Variants in NRXN3 observed in about 807,000 individuals in gnomAD.
NRXN3 encodes neurexin 3.
A neutral mutation model predicts 137.6 loss-of-function variants in NRXN3; 32 were observed. The ratio of observed to expected loss-of-function variants is 0.23; its 90% CI spans 0.18 to 0.31. The LOEUF (loss-of-function observed/expected upper bound fraction) is 0.31. Among genes scored for constraint, NRXN3 ranks in the 10% least tolerant of loss-of-function variants. NRXN3 has a pLI of 1.00. For synonymous variants in NRXN3, 798 were observed against 784.5 expected (o/e 1.02, Z -0.29); for missense variants, 1,574 against 2,062.5 (o/e 0.76, Z 4.59).
At chr14:79,496,088 T>C (rs1745245531) in intron 16 of NRXN3, among the ~76,000 whole-genome samples, 1 of 152,222 alleles carries the variant, frequency 6.6e-6, no homozygotes, top group Non-Finnish European at 1.5e-5. Flanking sequence ...ATGATGTTCG[T>C]AATCCAGTGT....
At chr14:78,997,836 T>A (rs892563059) in intron 15 of NRXN3, among the ~76,000 whole-genome samples, 6 of 152,226 alleles carry the variant, frequency 3.9e-5, no homozygotes, top group African/African-American at 7.2e-5. Context: ...CTGTTTGAAT[T>A]TGTATCAGCA....
At chr14:78,468,428 T>A (rs923513062) in intron 4 of NRXN3, among the ~76,000 whole-genome samples, 2 of 152,034 alleles carry the variant, frequency 1.3e-5, no homozygotes, top group African/African-American at 2.4e-5. Flanking sequence ...TTGGCTTTGC[T>A]CCATGTGTTT....
chr14:79,609,496 G>A (rs570143579), intron 16 of NRXN3, among the ~76,000 whole-genome samples: 1 of 152,208 alleles, frequency 6.6e-6, no homozygotes, highest in South Asian at 2.1e-4. Flanking sequence ...GAATCAAGAA[G>A]AGGAATTCTG....
chr14:78,416,148 G>A (rs1178070524), intron 4 of NRXN3, among the ~76,000 whole-genome samples: 1 of 152,142 alleles, frequency 6.6e-6, no homozygotes. Flanking sequence ...AGGAGTGATT[G>A]GCAGCCATAT....
intron 2 of NRXN3, among the ~76,000 whole-genome samples, chr14:78,276,811 T>TGAC (rs540326438): frequency 3.0e-4 from 46 of 152,348 alleles, no homozygotes; most frequent in African/African-American, 1.0e-3. Flanking sequence ...ACAATGGTGT[T>TGAC]GACATTCTTC....
intron 19 of NRXN3, among the ~76,000 whole-genome samples, chr14:79,725,942 T>A (rs2098885726): frequency 6.6e-6 from 1 of 152,128 alleles, no homozygotes; most frequent in African/African-American, 2.4e-5. Flanking sequence ...GATTCATATC[T>A]CTACCTAGAA....
chr14:79,251,799 TTC>T (rs576048140), intron 15 of NRXN3, among the ~76,000 whole-genome samples: 5 of 151,982 alleles, frequency 3.3e-5, no homozygotes, highest in Non-Finnish European at 7.4e-5. Flanking sequence ...CTCTCTTTTA[TTC>T]TCTCTTTTCT....
At chr14:79,291,562 T>A (rs2083208135) in intron 15 of NRXN3, among the ~76,000 whole-genome samples, 1 of 149,924 alleles carries the variant, frequency 6.7e-6, no homozygotes. Flanking sequence ...GCATGGAAAG[T>A]TTGAGTCAGT....
intron 8 of NRXN3, among the ~76,000 whole-genome samples, chr14:78,772,442 A>G (rs1236169694): frequency 6.6e-6 from 1 of 152,222 alleles, no homozygotes; most frequent in Non-Finnish European, 1.5e-5. Flanking sequence ...ATACTCCAGA[A>G]AAGTGGAAGA....
At chr14:78,513,681 G>T (rs1176780411) in intron 4 of NRXN3, among the ~76,000 whole-genome samples, 1 of 152,136 alleles carries the variant, frequency 6.6e-6, no homozygotes, top group East Asian at 1.9e-4. Flanking sequence ...TTTGGAATGA[G>T]ATTTGTTGGA....
At chr14:78,808,487 C>A (rs1352965326) in intron 9 of NRXN3, among the ~76,000 whole-genome samples, 1 of 152,116 alleles carries the variant, frequency 6.6e-6, no homozygotes, top group African/African-American at 2.4e-5. Flanking sequence ...AGGGACATTT[C>A]TCCAGCTTTG....
intron 16 of NRXN3, among the ~76,000 whole-genome samples, chr14:79,616,555 G>T (rs1014154991): frequency 1.3e-5 from 2 of 152,076 alleles, no homozygotes; most frequent in African/African-American, 4.8e-5. Flanking sequence ...ACTACCTATG[G>T]AGTGCTATGC....
chr14:78,183,066 G>A (rs913101650), intron 1 of NRXN3, among the ~76,000 whole-genome samples: 16 of 152,038 alleles, frequency 1.1e-4, no homozygotes, highest in African/African-American at 3.4e-4. Context: ...CAGTCCATTG[G>A]CCTCTTGTTC....
At chr14:78,752,347 C>T (rs1378953135) in intron 8 of NRXN3, among the ~76,000 whole-genome samples, 7 of 152,164 alleles carry the variant, frequency 4.6e-5, no homozygotes, top group African/African-American at 1.4e-4. Flanking sequence ...ACCCAGGAGG[C>T]GGAGGTTGCA....
At chr14:79,164,404 A>G (rs1366501023) in intron 15 of NRXN3, among the ~76,000 whole-genome samples, 1 of 152,000 alleles carries the variant, frequency 6.6e-6, no homozygotes, top group African/African-American at 2.4e-5. Flanking sequence ...CTGCATTTTC[A>G]TTTGAAAAGT....
intron 10 of NRXN3, among the ~76,000 whole-genome samples, chr14:78,851,303 C>G (rs2099041846): frequency 6.6e-6 from 1 of 152,110 alleles, no homozygotes; most frequent in South Asian, 2.1e-4. Context: ...TACTCCCTCC[C>G]TGGTGAAATT....
intron 4 of NRXN3, among the ~76,000 whole-genome samples, chr14:78,357,754 A>C (rs371080237): frequency 1.3e-5 from 2 of 152,254 alleles, no homozygotes; most frequent in African/African-American, 4.8e-5. Context: ...CATTGGATTC[A>C]CTAAGATAGC....
chr14:79,383,731 T>C (rs1318024295), intron 15 of NRXN3, among the ~76,000 whole-genome samples: 1 of 152,198 alleles, frequency 6.6e-6, no homozygotes, highest in Non-Finnish European at 1.5e-5. Context: ...CTCCATGCTT[T>C]ATCATCTCAG....
At chr14:78,454,273 C>T (rs2094626304) in intron 4 of NRXN3, among the ~76,000 whole-genome samples, 1 of 151,948 alleles carries the variant, frequency 6.6e-6, no homozygotes, top group Non-Finnish European at 1.5e-5. Context: ...TCAACCTTCA[C>T]CATACTCTAG....
Sources: allele counts gnomAD v4.1 joint callset (sites outside exome capture counted in the v4.1 genomes callset), GRCh38; gene constraint gnomAD v4.1.1; transcripts MANE v1.5; gene names NCBI Gene and HGNC (gene_info 2026-07-23, HGNC 2026-07-21).